DGKI: variants seen among roughly 807,000 people sequenced by gnomAD.
DGKI encodes diacylglycerol kinase iota, also known as DAG kinase iota.
In DGKI, 55 loss-of-function variants were observed where a neutral mutation model predicts 147.5. That is an observed-to-expected ratio of 0.37 (90% CI 0.30 to 0.47). DGKI has a LOEUF of 0.47. Ranked by LOEUF, DGKI falls within the 20% of genes least tolerant of loss-of-function variation. The probability of loss-of-function intolerance (pLI) is 1.00; values close to 1 mark genes in which losing one functional copy is unlikely to be tolerated. For synonymous variants in DGKI, 469 were observed against 477.1 expected, an observed-to-expected ratio of 0.98 and a Z score of 0.22; for missense variants, 1,007 against 1,323.8, an observed-to-expected ratio of 0.76 and a Z score of 3.71.
chr7:137,691,312 T>C (rs1444031958), intron 1 of DGKI, among the ~76,000 whole-genome samples: 1 of 152,216 alleles, frequency 6.6e-6, no homozygotes, highest in Non-Finnish European at 1.5e-5. Context: ...TTTGGCTGTC[T>C]TCAGCTAATC....
At chr7:137,660,147 C>T (rs1822372734) in intron 3 of DGKI, among the ~76,000 whole-genome samples, 1 of 152,142 alleles carries the variant, frequency 6.6e-6, no homozygotes, top group Middle Eastern at 3.2e-3. Flanking sequence ...CACCTAAGCA[C>T]CCTTACTAAG....
chr7:137,587,021 T>A lies in DGKI; in HGVS notation c.1425+76A>T. On this transcript the variant is annotated intron_variant, in intron 13 of 32. Transcript: ENST00000614521. The stretch of plus-strand genomic sequence containing the variant: ...GACAGCAGCAGCAGTACCCCCCTCT[T>A]CCATTAGAACATCAGTGGATCTGGA... 4.6e-6 allele frequency: 5 copies of A among 1,088,550 alleles called. No homozygotes were observed. The South Asian group carries it at 1.0e-4, about 23-fold the overall frequency. 67.4% of individuals were successfully genotyped at this position (1,088,550 alleles called of 1,614,324 possible). A position where few individuals can be genotyped will look rare whatever the true frequency, so the allele number is the denominator to read the frequency against.
intron 1 of DGKI, among the ~76,000 whole-genome samples, chr7:137,801,932 C>T (rs1301809495): frequency 6.6e-6 from 1 of 152,140 alleles, no homozygotes; most frequent in Non-Finnish European, 1.5e-5. Flanking sequence ...TTTTGGAAGA[C>T]ACGAGCACAC....
chr7:137,586,803 C>A (rs1563099111), intron 13 of DGKI, among the ~76,000 whole-genome samples: 3 of 152,226 alleles, frequency 2.0e-5, no homozygotes, highest in African/African-American at 4.8e-5. Flanking sequence ...TGCACGCAGA[C>A]TTGAGGCCAA....
intron 8 of DGKI, among the ~76,000 whole-genome samples, chr7:137,613,856 GAATT>G (rs1346074690): frequency 6.6e-6 from 1 of 152,100 alleles, no homozygotes; most frequent in Non-Finnish European, 1.5e-5. Context: ...ATTATGTGAA[GAATT>G]ATTTATTAAA....
rs1046633091 is a variant in DGKI at position 137,381,885 on chromosome 7, T to C, written c.*9335A>G. On this transcript the variant is annotated 3_prime_UTR_variant, in exon 33 of 33. Coordinates refer to ENST00000614521, the MANE Select transcript of DGKI (RefSeq NM_001321708.2). ...TGGCAAGAATCCAAACTTTCCCAACTTATAATCGGTAAGTCAGGGAGAGCA... is the reference window on the plus strand; with the variant it reads ...TGGCAAGAATCCAAACTTTCCCAACCTATAATCGGTAAGTCAGGGAGAGCA... The C allele has an allele frequency of 6.6e-6, 1 of 152,116 alleles. No individual in the cohort carries two copies. Among genetic ancestry groups the C allele is most frequent in the African/African-American group, 2.4e-5 (1 of 41,432 alleles). 9.4% of individuals were successfully genotyped at this position (152,116 alleles called of 1,614,324 possible).
chr7:137,762,381 G>A (rs748574180), intron 1 of DGKI, among the ~76,000 whole-genome samples: 5 of 152,204 alleles, frequency 3.3e-5, no homozygotes, highest in Non-Finnish European at 7.3e-5. Flanking sequence ...AAAAGAGCAT[G>A]CCCTTTATGT....
intron 9 of DGKI, 25 bp downstream of exon 9, chr7:137,609,510 C>T (rs768838853): frequency 6.3e-7 from 1 of 1,575,694 alleles, no homozygotes; most frequent in Non-Finnish European, 8.7e-7. Flanking sequence ...GGAAATTCCT[C>T]AGAATAAAAC....
intron 1 of DGKI, among the ~76,000 whole-genome samples, chr7:137,819,724 C>G (rs1391387188): frequency 6.6e-6 from 1 of 152,196 alleles, no homozygotes. Context: ...AGGTGAGATC[C>G]AAACTCATTG....
At chr7:137,826,774 C>T (rs1215754419) in intron 1 of DGKI, among the ~76,000 whole-genome samples, 1 of 152,112 alleles carries the variant, frequency 6.6e-6, no homozygotes, top group Non-Finnish European at 1.5e-5. Context: ...AAGTGCCTAG[C>T]TCAGAGGCAA....
intron 27 of DGKI, among the ~76,000 whole-genome samples, chr7:137,445,836 C>G (rs1813693748): frequency 6.6e-6 from 1 of 151,954 alleles, no homozygotes; most frequent in Non-Finnish European, 1.5e-5. Context: ...TCAAAAGCAC[C>G]CAGAAACACA....
intron 19 of DGKI, among the ~76,000 whole-genome samples, chr7:137,558,542 T>G: frequency 6.6e-6 from 1 of 151,912 alleles, no homozygotes; most frequent in Non-Finnish European, 1.5e-5. Flanking sequence ...CCTCCCAAAG[T>G]GCTGGGATTA....
At chr7:137,640,021 G>A (rs1407192634) in intron 6 of DGKI, among the ~76,000 whole-genome samples, 1 of 148,396 alleles carries the variant, frequency 6.7e-6, no homozygotes, top group African/African-American at 2.5e-5. Context: ...TTTTTTTTTG[G>A]TGGTGGTAAG....
At chr7:137,818,751 T>C (rs969513302) in intron 1 of DGKI, among the ~76,000 whole-genome samples, 3 of 152,084 alleles carry the variant, frequency 2.0e-5, no homozygotes, top group African/African-American at 7.2e-5. Context: ...CCTCCCACCA[T>C]TTTTTGCCCA....
chr7:137,721,186 G>C (rs992625811), intron 1 of DGKI, among the ~76,000 whole-genome samples: 2 of 152,180 alleles, frequency 1.3e-5, no homozygotes, highest in African/African-American at 4.8e-5. Flanking sequence ...TATTCTGTGT[G>C]AATGGCAGAT....
chr7:137,656,648 A>G (rs770851742), intron 3 of DGKI, 108 bp from the exon 4 acceptor site: 3 of 995,210 alleles, frequency 3.0e-6, no homozygotes, highest in Non-Finnish European at 4.5e-6. Context: ...TACAGCAAAC[A>G]TTGTAATTAT....
At chr7:137,671,340 A>G (rs760219570) in intron 3 of DGKI, among the ~76,000 whole-genome samples, 11 of 152,166 alleles carry the variant, frequency 7.2e-5, no homozygotes, top group Non-Finnish European at 1.6e-4. Context: ...GATTTGTCCC[A>G]CTCAGTTGTC....
intron 1 of DGKI, among the ~76,000 whole-genome samples, chr7:137,788,385 C>T (rs981286294): frequency 6.6e-6 from 1 of 152,102 alleles, no homozygotes; most frequent in African/African-American, 2.4e-5. Context: ...CCCTTCCCTT[C>T]ACTGTCTTCC....
At chr7:137,659,187 C>T (rs1822330116) in intron 3 of DGKI, among the ~76,000 whole-genome samples, 1 of 152,142 alleles carries the variant, frequency 6.6e-6, no homozygotes, top group African/African-American at 2.4e-5. Context: ...GGCAGCTTCT[C>T]AACAGCTTTT....
Sources: gnomAD v4.1 joint callset for allele counts (sites outside exome capture counted in the v4.1 genomes callset) on GRCh38, gnomAD v4.1.1 for gene constraint, MANE v1.5 for transcripts, NCBI Gene and HGNC (gene_info 2026-07-23, HGNC 2026-07-21) for gene names.